MMEL1: variants seen among roughly 807,000 people sequenced by gnomAD.
The protein encoded by MMEL1 is membrane metallo-endopeptidase-like 1.
Under a neutral mutation model 117.1 loss-of-function variants are expected in MMEL1, and 98 were observed. That is an observed-to-expected ratio of 0.84 (90% CI 0.71 to 0.99). The LOEUF is 0.99. Ranked by LOEUF, MMEL1 falls within the 50% of genes least tolerant of loss-of-function variation. The probability of loss-of-function intolerance (pLI) is 0.00; values close to 1 mark genes in which losing one functional copy is unlikely to be tolerated. For missense variants in MMEL1, 1,014 were observed against 1,049.1 expected (o/e 0.97, Z 0.46); for synonymous variants, 390 against 415.1 (o/e 0.94, Z 0.74).
At chr1:2,618,252 TTCTC>T (rs374059827) in intron 2 of MMEL1, among the ~76,000 whole-genome samples, 104 of 150,000 alleles carry the variant, frequency 6.9e-4, no homozygotes, top group African/African-American at 2.4e-3. Flanking sequence ...CTGGCACCTC[TTCTC>T]TCTCTCTCTC....
chr1:2,591,778 G>A (rs570444311), intron 22 of MMEL1, 145 bp from the exon 23 acceptor site: 7 of 1,036,622 alleles, frequency 6.8e-6, no homozygotes, highest in Middle Eastern at 2.6e-4. Context: ...CATCAGCATT[G>A]AAATCCTGTC....
rs780812154 is a variant in MMEL1, at chr1:2,629,402, C to A, written c.83G>T (p.Gly28Val). The A allele has an allele frequency of 1.2e-4, 178 of 1,546,454 alleles. No homozygotes were observed. Among genetic ancestry groups the A allele is most frequent in the African/African-American group, 8.4e-4 (61 of 72,888 alleles). ...CACCAGCAGCAGCAGCAGCAGCAGC[C>A]CCCCCTCCAGGAACCCCGGGCGCTT... ...GQKRPGFLEG[G>V]LLLLLLLVTA... Residue 28 changes from glycine (G) to valine (V), a missense_variant, in exon 2 of 24, where the codon GGG becomes GTG. Gly to Val is a moderately radical substitution (Grantham distance 109). Transcript: ENST00000378412.
Position 2,602,689 on chromosome 1 carries a change from C to T in MMEL1, c.1041+1195G>A, listed in dbSNP as rs376699526. Reference sequence around the variant, plus strand: ...GAGACTTTCAAGTGGCCCCCGAGGTCGGACACGGCATCCCCCGCTTTACTT... The same window carrying T: ...GAGACTTTCAAGTGGCCCCCGAGGTTGGACACGGCATCCCCCGCTTTACTT... On this transcript the variant is annotated intron_variant, in intron 11 of 23. Coordinates refer to ENST00000378412, the MANE Select transcript of MMEL1 (RefSeq NM_033467.4). 4.6e-5 allele frequency among the ~76,000 whole-genome samples: 7 copies of T among 152,284 alleles called. No individual in the cohort carries two copies. The East Asian group carries it at 5.8e-4, about 13-fold the overall frequency.
intron 23 of MMEL1, 122 bp from the exon 24 acceptor site, chr1:2,591,211 C>T: frequency 1.5e-6 from 1 of 662,092 alleles, no homozygotes; most frequent in Non-Finnish European, 2.5e-6. Context: ...TCAGTATGAG[C>T]AGAAACATTT....
At position 2,612,240 on chromosome 1, in the gene MMEL1, G is replaced by A; in HGVS notation, c.155-36C>T. On this transcript the variant is annotated intron_variant, in intron 2 of 23. Transcript: ENST00000378412. The surrounding 1 kb of genome is among the most constrained non-coding windows in gnomAD (Gnocchi z 5.4). Reference sequence around the variant, plus strand: ...ACACAGCGCTCAGCTGCGGCCTCCTGCCTGCAGCTCCCTGGGGGTGCTGGG... The same window carrying A: ...ACACAGCGCTCAGCTGCGGCCTCCTACCTGCAGCTCCCTGGGGGTGCTGGG... The A allele has an allele frequency of 1.3e-6, 2 of 1,542,342 alleles. No homozygotes were observed. The highest frequency in any genetic ancestry group is 1.8e-6 in the Non-Finnish European group (2 of 1,137,574).
At position 2,612,149 on chromosome 1, in the gene MMEL1, G is replaced by A. The variant is rs1645140268; in HGVS notation, c.210C>T (p.Thr70=). ...TACCTCGGGGTTTTCGTTTTACAAA[G>A]GTCCTCTCCTCCTGTAAGAAGCACA... ...SRLCFLQEER[T]FVKRKPRGIP... Residue 70 remains threonine (T), a synonymous_variant, in exon 3 of 24, where the codon ACC becomes ACT. Coordinates refer to ENST00000378412, the MANE Select transcript of MMEL1 (RefSeq NM_033467.4). The surrounding 1 kb of genome is among the most constrained non-coding windows in gnomAD (Gnocchi z 5.4). 1.3e-6 allele frequency: 2 copies of A among 1,581,740 alleles called. No individual in the cohort carries two copies. Among genetic ancestry groups the A allele is most frequent in the Non-Finnish European group, 1.7e-6 (2 of 1,162,686 alleles).
At chr1:2,621,104 G>C (rs1645282970) in intron 2 of MMEL1, among the ~76,000 whole-genome samples, 1 of 152,110 alleles carries the variant, frequency 6.6e-6, no homozygotes, top group African/African-American at 2.4e-5. Context: ...GGGCAACACA[G>C]AGAGACCCAT....
chr1:2,594,191 C>CCCTCATGCTTTTCCCCCACTCACCACA (rs1644792731), intron 18 of MMEL1, 194 bp downstream of exon 18: 3 of 791,506 alleles, frequency 3.8e-6, no homozygotes, highest in Non-Finnish European at 4.0e-6. Flanking sequence ...GGCCGCCTGC[C>CCCTCATGCTTTTCCCCCACTCACCACA]AAGTCCCTCC....
In MMEL1 at chr1:2,595,885, G is replaced by A; in HGVS notation, c.1500+124C>T. The A allele has an allele frequency of 1.4e-6, 1 of 727,544 alleles. No homozygotes were observed. The highest frequency in any genetic ancestry group is 2.4e-6 in the Non-Finnish European group (1 of 419,074). 45.1% of individuals were successfully genotyped at this position (727,544 alleles called of 1,614,324 possible). On this transcript the variant is annotated intron_variant, in intron 15 of 23. Transcript: ENST00000378412. This position sits in a 1 kb window ranked among gnomAD's most constrained non-coding sequence, Gnocchi z 4.8. ...CTCCCGGGGCTGCCTTCTCCCCGTGGGGTCCTGTCTGCGCCTCCCGGGGCT... is the reference window on the plus strand; with the variant it reads ...CTCCCGGGGCTGCCTTCTCCCCGTGAGGTCCTGTCTGCGCCTCCCGGGGCT...
chr1:2,609,911 C>T, intron 4 of MMEL1, 80 bp from the exon 5 acceptor site: 1 of 1,474,626 alleles, frequency 6.8e-7, no homozygotes, highest in Admixed American at 2.1e-5. Context: ...TCTCCCGGTC[C>T]AAGACACAGC....
chr1:2,611,144 G>A (rs1645118863), intron 4 of MMEL1, 137 bp downstream of exon 4: 7 of 834,572 alleles, frequency 8.4e-6, no homozygotes, highest in Admixed American at 2.7e-5. Flanking sequence ...CAGCGAGTCC[G>A]AGTCCGGCCC....
intron 6 of MMEL1, among the ~76,000 whole-genome samples, chr1:2,608,576 C>T (rs1645068866): frequency 1.3e-5 from 2 of 152,010 alleles, no homozygotes; most frequent in South Asian, 4.2e-4. Context: ...CACAAGTACA[C>T]ACAGCACATA....
intron 1 of MMEL1, chr1:2,630,302 A>G (rs1638480593): frequency 1.3e-5 from 2 of 152,296 alleles, no homozygotes; most frequent in Admixed American, 6.5e-5. Flanking sequence ...GAGTGTACAC[A>G]TGTGTGCAAA....
At chr1:2,631,168 C>G (rs528726106) in intron 1 of MMEL1, among the ~76,000 whole-genome samples, 1 of 152,188 alleles carries the variant, frequency 6.6e-6, no homozygotes, top group Non-Finnish European at 1.5e-5. Flanking sequence ...GGAAGTTGCC[C>G]GGTCCTAGGG....
intron 19 of MMEL1, 100 bp downstream of exon 19, chr1:2,593,714 G>A (rs576058212): frequency 1.2e-4 from 177 of 1,422,208 alleles, no homozygotes; most frequent in Admixed American, 3.9e-4. Flanking sequence ...TGTCCCCACT[G>A]AAACCGTGAA....
In MMEL1 at chr1:2,609,863, G is replaced by C; in HGVS notation, c.293-32C>G. On this transcript the variant is annotated intron_variant, in intron 4 of 23. Transcript: ENST00000378412. ...GTCCCCATGGCGTGGAGCAGGGAGA[G>C]GGGAGACAGAGAGAGTTGTGGACAG... The C allele has an allele frequency of 3.2e-6, 5 of 1,580,486 alleles. No individual in the cohort carries two copies. The South Asian group carries it at 4.7e-5, about 15-fold the overall frequency.
chr1:2,605,484 G>T, intron 9 of MMEL1, 74 bp downstream of exon 9: 1 of 1,331,514 alleles, frequency 7.5e-7, no homozygotes, highest in Non-Finnish European at 1.1e-6. Flanking sequence ...GGCCAGGTGG[G>T]CAACGGGAAG....
Position 2,629,891 on chromosome 1 carries a change from C to T in MMEL1, c.-37-370G>A, listed in dbSNP as rs556754679. 253 of 168,534 alleles carry T rather than the reference C, an allele frequency of 1.5e-3. 1 individual carries two copies. The highest frequency in any genetic ancestry group is 5.7e-3 in the African/African-American group (240 of 42,260). 10.4% of individuals were successfully genotyped at this position (168,534 alleles called of 1,614,324 possible). On this transcript the variant is annotated intron_variant, in intron 1 of 23. Coordinates refer to ENST00000378412, the MANE Select transcript of MMEL1 (RefSeq NM_033467.4). Reference sequence around the variant, plus strand: ...CTGAGCGCTAGGTCAGGGACGCTGTCGGGGAGGCCACTTGGGCTTCTGGGC... The same window carrying T: ...CTGAGCGCTAGGTCAGGGACGCTGTTGGGGAGGCCACTTGGGCTTCTGGGC...
intron 17 of MMEL1, 94 bp downstream of exon 17, chr1:2,594,696 C>G (rs531334567): frequency 1.8e-6 from 2 of 1,115,168 alleles, no homozygotes; most frequent in African/African-American, 3.1e-5. Context: ...ACCCCAGCCA[C>G]GCATCCAGTC....
Sources: allele counts gnomAD v4.1 joint callset (sites outside exome capture counted in the v4.1 genomes callset), GRCh38; gene constraint gnomAD v4.1.1; non-coding constraint Gnocchi (gnomAD v3.1); transcripts MANE v1.5; gene names NCBI Gene and HGNC (gene_info 2026-07-23, HGNC 2026-07-21).